Variants in SAXO4 observed in about 807,000 individuals in gnomAD.
SAXO4 encodes protein phosphatase 1 regulatory subunit 32.
chr11:61,482,929 G>A, the SAXO4 span: 1 of 1,023,418 alleles, frequency 9.8e-7, no homozygotes, highest in Non-Finnish European at 1.4e-6. Context: ...TTGTAGGGAT[G>A]GGGTCCACTC....
the SAXO4 span, chr11:61,482,952 T>C: frequency 2.3e-6 from 2 of 856,086 alleles, no homozygotes; most frequent in South Asian, 3.8e-5. Context: ...CTTTCTCCCC[T>C]TTGTCCTCAT....
chr11:61,485,671 G>C, the SAXO4 span: 1 of 746,416 alleles, frequency 1.3e-6, no homozygotes. Context: ...TGCCACCCAC[G>C]ATCCTCATGG....
the SAXO4 span, chr11:61,482,587 A>T: frequency 6.2e-7 from 1 of 1,609,722 alleles, no homozygotes; most frequent in Non-Finnish European, 8.5e-7. Flanking sequence ...GGGTGCAGGG[A>T]GGAGGGAAGC....
At chr11:61,484,792 G>T in the SAXO4 span, 2 of 1,603,850 alleles carry the variant, frequency 1.2e-6, no homozygotes, top group African/African-American at 1.3e-5. Flanking sequence ...GCCAGGACCC[G>T]CTGGAGCGGG....
the SAXO4 span, chr11:61,482,858 G>A: frequency 6.6e-7 from 1 of 1,525,306 alleles, no homozygotes; most frequent in Non-Finnish European, 8.7e-7. Context: ...GTGGGGTGGG[G>A]CTAGGGCTGC....
chr11:61,484,418 G>T, the SAXO4 span, among the ~76,000 whole-genome samples: 1,608 of 152,270 alleles, frequency 0.011, 41 homozygotes, highest in African/African-American at 0.037. Flanking sequence ...AAGTGCAAAG[G>T]CCTCAAGGTG....
chr11:61,485,075 G>A, the SAXO4 span, among the ~76,000 whole-genome samples: 3 of 152,016 alleles, frequency 2.0e-5, no homozygotes, highest in Non-Finnish European at 2.9e-5. Context: ...TCCTGGTCTC[G>A]GTCCCTCTGG....
the SAXO4 span, chr11:61,485,818 G>T: frequency 6.8e-6 from 11 of 1,613,824 alleles, no homozygotes; most frequent in Non-Finnish European, 9.3e-6. Context: ...AGAAGAAATC[G>T]ATCGGCGCAA....
chr11:61,486,145 C>G, the SAXO4 span, among the ~76,000 whole-genome samples: 1 of 152,216 alleles, frequency 6.6e-6, no homozygotes, highest in Admixed American at 6.5e-5. Context: ...AGACAAGAGC[C>G]CTGGCCTGCT....
chr11:61,484,738 G>C, the SAXO4 span: 22 of 1,613,550 alleles, frequency 1.4e-5, no homozygotes, highest in Non-Finnish European at 1.8e-5. Context: ...AGGCCATCAC[G>C]GGGCTGGAGC....
chr11:61,490,425 C>T, the SAXO4 span: 87 of 1,355,768 alleles, frequency 6.4e-5, 1 homozygote, highest in African/African-American at 1.2e-3. Flanking sequence ...CAGGGAGGGT[C>T]AGGCAGAAGA....
At chr11:61,487,561 G>A in the SAXO4 span, among the ~76,000 whole-genome samples, 1 of 152,196 alleles carries the variant, frequency 6.6e-6, no homozygotes, top group Non-Finnish European at 1.5e-5. Context: ...TGAGAGAGCT[G>A]GGGTATTTAT....
the SAXO4 span, chr11:61,481,986 G>C: frequency 1.8e-6 from 2 of 1,113,218 alleles, no homozygotes; most frequent in Admixed American, 4.9e-5. Context: ...CTCTCTGAGG[G>C]AGGAGCAGAC....
the SAXO4 span, among the ~76,000 whole-genome samples, chr11:61,482,962 T>C: frequency 6.6e-6 from 1 of 151,842 alleles, no homozygotes; most frequent in African/African-American, 2.4e-5. Context: ...TTTGTCCTCA[T>C]CCTTGTCCCC....
chr11:61,490,737 C>A, the SAXO4 span: 2 of 659,814 alleles, frequency 3.0e-6, no homozygotes, highest in Non-Finnish European at 2.7e-6. Flanking sequence ...CTCTCAGAAC[C>A]CCTTCTCTGC....
the SAXO4 span, chr11:61,486,447 C>G: frequency 6.2e-7 from 1 of 1,612,976 alleles, no homozygotes; most frequent in Non-Finnish European, 8.5e-7. Context: ...TGGCGGGGAG[C>G]AGTTAGAACA....
At chr11:61,481,955 A>G in the SAXO4 span, 8 of 1,399,208 alleles carry the variant, frequency 5.7e-6, no homozygotes, top group East Asian at 2.3e-5. Flanking sequence ...CTGCTAGGAC[A>G]TGGGCAGGAA....
the SAXO4 span, among the ~76,000 whole-genome samples, chr11:61,483,961 C>T: frequency 2.7e-5 from 4 of 148,704 alleles, no homozygotes; most frequent in African/African-American, 7.5e-5. Flanking sequence ...TAAAGCCAGG[C>T]GTGGTGGCTC....
the SAXO4 span, chr11:61,490,046 T>C: frequency 8.2e-7 from 1 of 1,226,680 alleles, no homozygotes. Context: ...GTCCGGTTCA[T>C]TCCTATGAGA....
Sources: allele counts gnomAD v4.1 joint callset (sites outside exome capture counted in the v4.1 genomes callset), GRCh38; gene constraint gnomAD v4.1.1; transcripts MANE v1.5; gene names NCBI Gene and HGNC (gene_info 2026-07-23, HGNC 2026-07-21).